PALLD: variants seen among roughly 807,000 people sequenced by gnomAD.
PALLD encodes palladin, cytoskeletal associated protein, also known as palladin.
In PALLD, 61 loss-of-function variants were observed where a neutral mutation model predicts 123.5. That is an observed-to-expected ratio of 0.49 (90% CI 0.40 to 0.61). The LOEUF (loss-of-function observed/expected upper bound fraction) is 0.61, where lower values mean the gene tolerates loss of function less well. Among genes scored for constraint, PALLD ranks in the 20% least tolerant of loss-of-function variants. The pLI, the probability that PALLD is intolerant of heterozygous loss-of-function variation, is 0.00. For missense variants in PALLD, 1,273 were observed against 1,377.0 expected, an observed-to-expected ratio of 0.92 and a Z score of 1.20; for synonymous variants, 465 against 496.4, an observed-to-expected ratio of 0.94 and a Z score of 0.84.
At chr4:168,834,552 C>A (rs1344296882) in intron 10 of PALLD, among the ~76,000 whole-genome samples, 4 of 152,086 alleles carry the variant, frequency 2.6e-5, no homozygotes, top group Non-Finnish European at 5.9e-5. Flanking sequence ...GCCTGACCAA[C>A]GTGGTGAAAC....
At chr4:168,679,138 G>A (rs1267369208) in intron 3 of PALLD, among the ~76,000 whole-genome samples, 37 of 132,298 alleles carry the variant, frequency 2.8e-4, no homozygotes, top group Non-Finnish European at 5.4e-4. Context: ...GGGTGAGTAT[G>A]GATGTGGTGT....
chr4:168,635,361 G>A (rs564283811), intron 2 of PALLD, among the ~76,000 whole-genome samples: 24 of 152,312 alleles, frequency 1.6e-4, no homozygotes, highest in South Asian at 1.0e-3. Flanking sequence ...TAACACTTGG[G>A]TGCAACACTT....
chr4:168,516,860 G>A (rs1466617323), intron 2 of PALLD, among the ~76,000 whole-genome samples: 1 of 152,154 alleles, frequency 6.6e-6, no homozygotes, highest in African/African-American at 2.4e-5. Context: ...TATGGAAAAA[G>A]AAAACAAATC....
chr4:168,705,568 C>T (rs748900487), intron 8 of PALLD, among the ~76,000 whole-genome samples: 1 of 152,178 alleles, frequency 6.6e-6, no homozygotes, highest in Non-Finnish European at 1.5e-5. Flanking sequence ...TGAGCAACTT[C>T]TTCCTGATTT....
At chr4:168,807,277 GCACACA>G (rs72123198) in intron 10 of PALLD, among the ~76,000 whole-genome samples, 7 of 144,906 alleles carry the variant, frequency 4.8e-5, no homozygotes, top group East Asian at 2.0e-4. Flanking sequence ...ACACACACAC[GCACACA>G]CACACACACA....
chr4:168,685,446 T>TC (rs748897735), intron 5 of PALLD, 39 bp from the exon 6 acceptor site: 1 of 1,328,048 alleles, frequency 7.5e-7, no homozygotes, highest in South Asian at 1.2e-5. Context: ...AGGCAATTTA[T>TC]ATATTTAGAA....
chr4:168,702,562 GA>G (rs1014365863), intron 8 of PALLD, among the ~76,000 whole-genome samples: 3 of 151,926 alleles, frequency 2.0e-5, no homozygotes, highest in African/African-American at 2.4e-5. Context: ...CAAAAAGAAA[GA>G]AAAAAAGAAC....
chr4:168,613,529 T>C (rs751705800), intron 2 of PALLD, among the ~76,000 whole-genome samples: 1 of 152,216 alleles, frequency 6.6e-6, no homozygotes, highest in Non-Finnish European at 1.5e-5. Flanking sequence ...GTATTCCAGA[T>C]AACAATGCCA....
Position 168,911,439 on chromosome 4 carries a change from A to C in PALLD, c.2623-2488A>C, listed in dbSNP as rs779614670. On this transcript the variant is annotated intron_variant, in intron 15 of 21. Transcript: ENST00000505667. ...TTTCATCATGGAAGCCGCAAAGCAC[A>C]TAATAAGGAAGCCATATCCCACATC... is the stretch of plus-strand genomic sequence containing the variant. Among the ~76,000 whole-genome samples the C allele has an allele frequency of 2.6e-5, 4 of 152,256 alleles. No individual in the cohort carries two copies. In the East Asian group the frequency reaches 7.7e-4, roughly 29 times the overall value.
At chr4:168,756,971 T>C (rs543682993) in intron 10 of PALLD, among the ~76,000 whole-genome samples, 21 of 152,312 alleles carry the variant, frequency 1.4e-4, no homozygotes, top group South Asian at 8.3e-4. Context: ...GAGGACGATG[T>C]TTCAGGAAGA....
At chr4:168,923,546 A>ACAAT (rs1415321778) in intron 18 of PALLD, among the ~76,000 whole-genome samples, 2 of 152,106 alleles carry the variant, frequency 1.3e-5, no homozygotes, top group African/African-American at 4.8e-5. Context: ...AGTGTTATTA[A>ACAAT]CAATCAGTCC....
In PALLD at chr4:168,511,780, G is replaced by A; in HGVS notation, c.276G>A (p.Arg92=). The A allele has an allele frequency of 6.2e-7, 1 of 1,614,162 alleles. No homozygotes were observed. Among genetic ancestry groups the A allele is most frequent in the Admixed American group, 1.7e-5 (1 of 60,024 alleles). Reference sequence around the variant, plus strand: ...CCAAATTGGGTGAACACGCCTCGAGGAGACCTCAGGATAACAGGTCAACAC... The same window carrying A: ...CCAAATTGGGTGAACACGCCTCGAGAAGACCTCAGGATAACAGGTCAACAC... The part of the protein sequence containing the change: ...KETKLGEHAS[R]RPQDNRSTPV... Residue 92 remains arginine, a synonymous_variant, in exon 2 of 22, where the codon AGG becomes AGA. Coordinates refer to ENST00000505667, the MANE Select transcript of PALLD (RefSeq NM_001166108.2).
chr4:168,586,533 T>C (rs1770839294), intron 2 of PALLD, among the ~76,000 whole-genome samples: 1 of 152,122 alleles, frequency 6.6e-6, no homozygotes, highest in East Asian at 1.9e-4. Flanking sequence ...TTAGAACTGG[T>C]AAAACTGAGA....
At chr4:168,514,049 T>A (rs111315609) in intron 2 of PALLD, among the ~76,000 whole-genome samples, 27,607 of 151,752 alleles carry the variant, frequency 0.18, 3,002 homozygotes, top group East Asian at 0.41. Context: ...GAGGTTGCAG[T>A]GAGCCAAGAT....
rs530052171 is a variant in PALLD, at chr4:168,551,916, A to G, written c.908+39504A>G. 1.6e-4 allele frequency among the ~76,000 whole-genome samples: 25 copies of G among 152,306 alleles called. No homozygotes were observed. The East Asian group carries it at 2.5e-3, about 15-fold the overall frequency. ...ACATTTCCAATTTTCAGATGACACC[A>G]AGTTTTTCCAAGTCATGACATACCA... On this transcript the variant is annotated intron_variant, in intron 2 of 21. Transcript: ENST00000505667.
intron 15 of PALLD, among the ~76,000 whole-genome samples, chr4:168,906,577 C>A (rs1015942965): frequency 6.6e-6 from 1 of 152,004 alleles, no homozygotes; most frequent in Non-Finnish European, 1.5e-5. Flanking sequence ...CACATTGTAC[C>A]CCACAAATAT....
At chr4:168,601,497 T>C (rs764248849) in intron 2 of PALLD, among the ~76,000 whole-genome samples, 5 of 152,074 alleles carry the variant, frequency 3.3e-5, no homozygotes, top group Non-Finnish European at 7.4e-5. Context: ...AGGACCACAT[T>C]GACAAACCTG....
chr4:168,923,366 A>G (rs956774186), intron 18 of PALLD, among the ~76,000 whole-genome samples: 2 of 152,226 alleles, frequency 1.3e-5, no homozygotes, highest in South Asian at 2.1e-4. Flanking sequence ...TTGCTGTGAT[A>G]TATCTGTCAC....
At chr4:168,728,532 T>A (rs1397370646) in intron 10 of PALLD, among the ~76,000 whole-genome samples, 2 of 152,238 alleles carry the variant, frequency 1.3e-5, no homozygotes, top group African/African-American at 2.4e-5. Context: ...GAAATGCTGC[T>A]GATTTTTGTA....
Sources: gnomAD v4.1 joint callset for allele counts (sites outside exome capture counted in the v4.1 genomes callset) on GRCh38, gnomAD v4.1.1 for gene constraint, MANE v1.5 for transcripts, NCBI Gene and HGNC (gene_info 2026-07-23, HGNC 2026-07-21) for gene names.